The following HLX variants were observed in gnomAD, a reference collection of about 807,000 sequenced individuals.
HLX encodes the protein H2.0-like homeobox protein.
HLX carries 6 observed loss-of-function variants against 27.7 expected under a neutral mutation model. That is an observed-to-expected ratio of 0.22 (90% CI 0.12 to 0.43). The LOEUF (loss-of-function observed/expected upper bound fraction) is 0.43. Among genes scored for constraint, HLX ranks in the 20% least tolerant of loss-of-function variants. The pLI, the probability that HLX is intolerant of heterozygous loss-of-function variation, is 1.00. For synonymous variants in HLX, 328 were observed against 293.8 expected, an observed-to-expected ratio of 1.12 and a Z score of -1.19; for missense variants, 666 against 655.2, an observed-to-expected ratio of 1.02 and a Z score of -0.18.
At chr1:220,881,670 A>G (rs905303216) in intron 2 of HLX, 2 of 485,488 alleles carry the variant, frequency 4.1e-6, no homozygotes, top group African/African-American at 2.0e-5. Flanking sequence ...TGCAGCATCA[A>G]TGTTGCTTAT....
At chr1:220,882,398 G>T (rs745398185) in intron 3 of HLX, 50 bp downstream of exon 3, 2 of 1,564,348 alleles carry the variant, frequency 1.3e-6, no homozygotes, top group Non-Finnish European at 1.8e-6. Context: ...GGGCAGCAGC[G>T]CACGGCCTAG....
At chr1:220,882,536 G>A (rs192216022) in intron 3 of HLX, 188 bp downstream of exon 3, 2 of 600,634 alleles carry the variant, frequency 3.3e-6, no homozygotes, top group Non-Finnish European at 5.9e-6. Flanking sequence ...ATGGGGTGAG[G>A]GAGAAGGACC....
In HLX at chr1:220,880,408, C is replaced by T; in HGVS notation, c.551C>T (p.Ala184Val). Reference sequence around the variant, plus strand: ...TTTGGAATTGACCGCATTTTATCTGCAGAATTTGACCCAAAAGTCAAAGAA... The same window carrying T: ...TTTGGAATTGACCGCATTTTATCTGTAGAATTTGACCCAAAAGTCAAAGAA... The part of the protein sequence containing the change: ...LKFGIDRILS[A>V]EFDPKVKEGN... Residue 184 changes from alanine to valine, a missense_variant, in exon 1 of 4, where the codon GCA (alanine) becomes GTA (valine). By Grantham distance (64) the Ala-to-Val change is moderately conservative. Coordinates refer to ENST00000366903, the MANE Select transcript of HLX (RefSeq NM_021958.4). 2 of 1,614,050 alleles carry T rather than the reference C, an allele frequency of 1.2e-6. No homozygotes were observed. Among genetic ancestry groups the T allele is most frequent in the South Asian group, 1.1e-5 (1 of 91,088 alleles).
chr1:220,884,542 C>T lies in HLX; in HGVS notation c.1305C>T (p.Ser435=), dbSNP rs901124459. The T allele has an allele frequency of 1.9e-6, 3 of 1,609,530 alleles. No individual in the cohort carries two copies. The highest frequency in any genetic ancestry group is 8.5e-7 in the Non-Finnish European group (1 of 1,178,046). Residue 435 remains serine (S), a synonymous_variant, in exon 4 of 4, where the codon AGC becomes AGT. Coordinates refer to ENST00000366903, the MANE Select transcript of HLX (RefSeq NM_021958.4). The surrounding 1 kb of genome is among the most constrained non-coding windows in gnomAD (Gnocchi z 4.9). ...GCGGCGGCGGCGGCAATAGTTTCAGCTTCAGCAGCGCCAGCAGTCTTAGTA... is the reference window on the plus strand; with the variant it reads ...GCGGCGGCGGCGGCAATAGTTTCAGTTTCAGCAGCGCCAGCAGTCTTAGTA... ...GSSGGGGNSF[S]FSSASSLSSS...
chr1:220,884,274 A>G lies in HLX; in HGVS notation c.1037A>G (p.Glu346Gly). The G allele has an allele frequency of 1.2e-6, 2 of 1,613,922 alleles. No homozygotes were observed. The highest frequency in any genetic ancestry group is 1.7e-6 in the Non-Finnish European group (2 of 1,179,952). The change falls in exon 4 of 4, where the codon GAG becomes GGG. Residue 346 changes from glutamate to glycine, a missense_variant. Coordinates refer to ENST00000366903, the MANE Select transcript of HLX (RefSeq NM_021958.4). The surrounding 1 kb of genome is among the most constrained non-coding windows in gnomAD (Gnocchi z 4.9). ...EAQAQKDKDK[E>G]AGEKPSGGAP... ...CAGGCCCAAAAGGACAAGGACAAGG[A>G]GGCTGGCGAGAAGCCATCAGGTGGA... is the stretch of plus-strand genomic sequence containing the variant.
chr1:220,881,486 G>A (rs1175165407), intron 2 of HLX, 113 bp downstream of exon 2: 1 of 891,648 alleles, frequency 1.1e-6, no homozygotes, highest in Non-Finnish European at 1.9e-6. Flanking sequence ...ATTGGGGCGG[G>A]AGGCTACGGA....
rs1266278767 is a variant in HLX, at chr1:220,880,092, G to C, written c.235G>C (p.Val79Leu). ...CGCCCTCACCGCGCACTTGGGCTCG[G>C]TTCACCCGCACGCCTCTTTCCAAGC... ...AAALTAHLGS[V>L]HPHASFQAAA... The change falls in exon 1 of 4, where the codon GTT (valine) becomes CTT (leucine). Residue 79 changes from valine (V) to leucine (L), a missense_variant. Transcript: ENST00000366903. 1 of 1,596,794 alleles carries C rather than the reference G, an allele frequency of 6.3e-7. No homozygotes were observed. Among genetic ancestry groups the C allele is most frequent in the Admixed American group, 1.7e-5 (1 of 59,418 alleles).
rs1365251412 is a variant in HLX, at chr1:220,879,575, C to T, written c.-283C>T. The T allele has an allele frequency of 4.1e-6, 2 of 483,884 alleles. No homozygotes were observed. Among genetic ancestry groups the T allele is most frequent in the East Asian group, 7.4e-5 (2 of 27,186 alleles). 30.0% of individuals were successfully genotyped at this position (483,884 alleles called of 1,614,324 possible). On this transcript the variant is annotated 5_prime_UTR_variant, in exon 1 of 4. Coordinates refer to ENST00000366903, the MANE Select transcript of HLX (RefSeq NM_021958.4). ...CCTGGCTCCCCCGCCCGCCCTGCGG[C>T]CCCAGCGCCCCTCGCTCTCATCCAG...
chr1:220,880,616 C>A, intron 1 of HLX, 167 bp downstream of exon 1: 1 of 714,656 alleles, frequency 1.4e-6, no homozygotes, highest in South Asian at 1.6e-5. Context: ...GTCTAAAACT[C>A]ACCTGTTCTA....
intron 2 of HLX, chr1:220,881,892 G>A (rs911604666): frequency 2.0e-6 from 1 of 499,794 alleles, no homozygotes; most frequent in African/African-American, 1.9e-5. Flanking sequence ...TGATGGCCAC[G>A]CATGAGGTTT....
In HLX at chr1:220,880,033, C is replaced by T. The variant is rs865817214; in HGVS notation, c.176C>T (p.Ala59Val). The T allele has an allele frequency of 1.3e-6, 2 of 1,593,238 alleles. No homozygotes were observed. Among genetic ancestry groups the T allele is most frequent in the South Asian group, 1.1e-5 (1 of 90,240 alleles). Residue 59 changes from alanine to valine, a missense_variant, in exon 1 of 4, where the codon GCG (alanine) becomes GTG (valine). Transcript: ENST00000366903. ...CACGCCGGCGTGGGGGATCTGGGGGCGGCCCCGGAGGGCCTGGCAGGGGCC... is the reference window on the plus strand; with the variant it reads ...CACGCCGGCGTGGGGGATCTGGGGGTGGCCCCGGAGGGCCTGGCAGGGGCC... ...ILHAGVGDLG[A>V]APEGLAGASA...
At chr1:220,880,991 T>G (rs529614387) in intron 1 of HLX, 1 of 613,160 alleles carries the variant, frequency 1.6e-6, no homozygotes, top group South Asian at 2.0e-5. Flanking sequence ...TACATGCATA[T>G]GGACGTGAGG....
At position 220,882,269 on chromosome 1, in the gene HLX, A is replaced by G; in HGVS notation, c.878A>G (p.Lys293Arg). 1 of 1,614,240 alleles carries G rather than the reference A, an allele frequency of 6.2e-7. No homozygotes were observed. Among genetic ancestry groups the G allele is most frequent in the Non-Finnish European group, 8.5e-7 (1 of 1,180,032 alleles). Residue 293 changes from lysine (K) to arginine (R), a missense_variant, in exon 3 of 4, where the codon AAA becomes AGA. Coordinates refer to ENST00000366903, the MANE Select transcript of HLX (RefSeq NM_021958.4). Reference protein sequence around the residue: ...FSNLQRKGLEKRFEIQKYVTK... With the variant: ...FSNLQRKGLERRFEIQKYVTK... ...AACCTGCAGAGGAAAGGCCTGGAGA[A>G]AAGGTTTGAGATTCAGAAGTACGTG...
rs1349809180 is a variant in HLX, at chr1:220,880,132, C to T, written c.275C>T (p.Pro92Leu). Residue 92 changes from proline (P) to leucine (L), a missense_variant, in exon 1 of 4, where the codon CCG becomes CTG. Transcript: ENST00000366903. Reference sequence around the variant, plus strand: ...TCTTTCCAAGCGGCGGCCAGATCCCCGCTTCGACCCACCCCAGTGGTGGCG... The same window carrying T: ...TCTTTCCAAGCGGCGGCCAGATCCCTGCTTCGACCCACCCCAGTGGTGGCG... Reference protein sequence around the residue: ...HASFQAAARSPLRPTPVVAPS... With the variant: ...HASFQAAARSLLRPTPVVAPS... The T allele has an allele frequency of 2.5e-6, 4 of 1,606,778 alleles. No homozygotes were observed. The South Asian group carries it at 3.3e-5, about 13-fold the overall frequency.
chr1:220,881,548 A>G, intron 2 of HLX, 175 bp downstream of exon 2: 1 of 683,036 alleles, frequency 1.5e-6, no homozygotes, highest in Non-Finnish European at 2.6e-6. Context: ...CTCGCTTCGG[A>G]TGGTTCCCCT....
chr1:220,881,035 G>A (rs1558115624), intron 1 of HLX, 159 bp from the exon 2 acceptor site: 2 of 687,880 alleles, frequency 2.9e-6, no homozygotes, highest in Admixed American at 2.6e-5. Context: ...TCGCTCCTTG[G>A]CAACTGTTGG....
chr1:220,879,803 G>A lies in HLX; in HGVS notation c.-55G>A. 6.7e-7 allele frequency: 1 copy of A among 1,488,584 alleles called. No homozygotes were observed. The highest frequency in any genetic ancestry group is 1.4e-5 in the African/African-American group (1 of 69,134). The allele number at this position is 1,488,584 out of a possible 1,614,324, so 92.2% of individuals were successfully genotyped here. On this transcript the variant is annotated 5_prime_UTR_variant, in exon 1 of 4. Transcript: ENST00000366903. ...GGGACTCGCGCGCCCCTCCCCGCGC[G>A]CCCACCCACCCAGTCCGGCTGGACT...
At chr1:220,881,466 C>T in intron 2 of HLX, 93 bp downstream of exon 2, 2 of 1,040,242 alleles carry the variant, frequency 1.9e-6, no homozygotes, top group Non-Finnish European at 3.0e-6. Context: ...CACGGTGTCG[C>T]AATCTCACAA....
rs1036186586 is a variant in HLX at position 220,879,960 on chromosome 1, G to A, written c.103G>A (p.Asp35Asn). The A allele has an allele frequency of 8.8e-6, 14 of 1,598,332 alleles. No individual in the cohort carries two copies. Among genetic ancestry groups the A allele is most frequent in the African/African-American group, 2.7e-5 (2 of 74,800 alleles). The change falls in exon 1 of 4, where the codon GAC (aspartate) becomes AAC (asparagine). Residue 35 changes from aspartate (D) to asparagine (N), a missense_variant. Asp to Asn is a conservative substitution (Grantham distance 23). Transcript: ENST00000366903. ...CCCAGGCGGCTGCTCCTTCCCCTTG[G>A]ACCCCGCCGCCGTCAAAAAGCCCTC... The part of the protein sequence containing the change: ...AGPGGCSFPL[D>N]PAAVKKPSFC...
Sources: allele counts gnomAD v4.1 joint callset, GRCh38; gene constraint gnomAD v4.1.1; non-coding constraint Gnocchi (gnomAD v3.1); transcripts MANE v1.5; gene names NCBI Gene and HGNC (gene_info 2026-07-23, HGNC 2026-07-21).